Variants in UNC13C observed in about 807,000 individuals in gnomAD.
The protein encoded by UNC13C is unc-13 homolog C, also known as protein unc-13 homolog C.
UNC13C carries 174 observed loss-of-function variants against 245.4 expected under a neutral mutation model. The observed-to-expected ratio is 0.71, with a 90% CI of 0.63 to 0.80. The LOEUF (loss-of-function observed/expected upper bound fraction) is 0.80. Ranked by LOEUF, UNC13C falls within the 30% of genes least tolerant of loss-of-function variation. UNC13C has a pLI of 0.00. For synonymous variants in UNC13C, 992 were observed against 895.1 expected (o/e 1.11, Z -1.93); for missense variants, 2,829 against 2,602.9 (o/e 1.09, Z -1.89).
rs568823414 is a variant in UNC13C, at chr15:54,112,314, G to A, written c.2984-30704G>A. ...TAGCTCTCTTTCCTGCAGAGAGAGAGGGGCTCCTGAGTGGGTCTTCCAGTC... is the reference window on the plus strand; with the variant it reads ...TAGCTCTCTTTCCTGCAGAGAGAGAAGGGCTCCTGAGTGGGTCTTCCAGTC... On this transcript the variant is annotated intron_variant, in intron 2 of 32. Coordinates refer to ENST00000260323, the MANE Select transcript of UNC13C (RefSeq NM_001080534.3). Among the ~76,000 whole-genome samples, 43 of 152,290 alleles carry A rather than the reference G, an allele frequency of 2.8e-4. No homozygotes were observed. In the South Asian group the frequency reaches 7.3e-3, roughly 26 times the overall value.
chr15:54,516,329 G>A (rs1222488929), intron 24 of UNC13C, among the ~76,000 whole-genome samples: 4 of 152,136 alleles, frequency 2.6e-5, no homozygotes, highest in Admixed American at 6.5e-5. Context: ...ACTTCAGCAC[G>A]CATCAGAACT....
At chr15:53,965,439 C>T in the UNC13C span, among the ~76,000 whole-genome samples, 1 of 151,702 alleles carries the variant, frequency 6.6e-6, no homozygotes, top group African/African-American at 2.4e-5. Flanking sequence ...TTTAAATTTA[C>T]AATTATCTCA....
chr15:54,095,492 C>A (rs755958497), intron 2 of UNC13C, among the ~76,000 whole-genome samples: 1 of 152,148 alleles, frequency 6.6e-6, no homozygotes, highest in Non-Finnish European at 1.5e-5. Flanking sequence ...TTTTGTGGTC[C>A]CACTTTGCAG....
chr15:54,106,936 T>C (rs972875159), intron 2 of UNC13C, among the ~76,000 whole-genome samples: 4 of 152,264 alleles, frequency 2.6e-5, no homozygotes, highest in Non-Finnish European at 5.9e-5. Context: ...ACTCTTGCTC[T>C]TATATGTTCC....
intron 4 of UNC13C, among the ~76,000 whole-genome samples, chr15:54,219,514 A>G (rs2035153316): frequency 1.3e-5 from 2 of 149,222 alleles, no homozygotes; most frequent in African/African-American, 5.0e-5. Flanking sequence ...AAACCTAGGC[A>G]TTACCATTCA....
intron 19 of UNC13C, among the ~76,000 whole-genome samples, chr15:54,473,956 T>C (rs145497423): frequency 6.6e-6 from 1 of 152,044 alleles, no homozygotes; most frequent in East Asian, 1.9e-4. Flanking sequence ...CCTTTTTAAA[T>C]GAGAACGTGT....
intron 19 of UNC13C, among the ~76,000 whole-genome samples, chr15:54,488,425 A>T (rs539511564): frequency 1.3e-5 from 2 of 152,216 alleles, no homozygotes; most frequent in Admixed American, 6.5e-5. Context: ...TAATGAAATT[A>T]TATGTTACAA....
intron 19 of UNC13C, among the ~76,000 whole-genome samples, chr15:54,443,036 A>T (rs1890616083): frequency 6.6e-6 from 1 of 152,058 alleles, no homozygotes; most frequent in South Asian, 2.1e-4. Flanking sequence ...GAGTGAAGTC[A>T]TCTGGTTATG....
the UNC13C span, among the ~76,000 whole-genome samples, chr15:53,852,854 G>A: frequency 6.6e-6 from 1 of 151,992 alleles, no homozygotes; most frequent in African/African-American, 2.4e-5. Context: ...TGGAAATCTA[G>A]TTACCTGTTT....
At chr15:53,980,680 G>A (rs942915816) in intron 1 of UNC13C, among the ~76,000 whole-genome samples, 1 of 152,098 alleles carries the variant, frequency 6.6e-6, no homozygotes, top group African/African-American at 2.4e-5. Context: ...TCAATAATTT[G>A]TTGTTAGACC....
At chr15:54,152,930 T>A (rs1337217858) in intron 4 of UNC13C, among the ~76,000 whole-genome samples, 1 of 152,162 alleles carries the variant, frequency 6.6e-6, no homozygotes, top group African/African-American at 2.4e-5. Context: ...TGTTTTTAGG[T>A]ATCTTTTAAT....
intron 18 of UNC13C, among the ~76,000 whole-genome samples, chr15:54,397,544 T>C (rs2040095514): frequency 6.6e-6 from 1 of 151,486 alleles, no homozygotes; most frequent in Admixed American, 6.6e-5. Context: ...TGTATCAGTT[T>C]GTCAATTTCT....
intron 17 of UNC13C, among the ~76,000 whole-genome samples, chr15:54,341,188 A>G (rs560238801): frequency 6.6e-4 from 101 of 152,330 alleles, no homozygotes; most frequent in African/African-American, 2.4e-3. Context: ...CACAAAAGCA[A>G]AGACATGGAA....
intron 19 of UNC13C, among the ~76,000 whole-genome samples, chr15:54,439,614 G>T (rs533945040): frequency 7.2e-5 from 11 of 151,826 alleles, no homozygotes; most frequent in South Asian, 4.2e-4. Flanking sequence ...CATATTTTTA[G>T]ATTTTTGCAT....
At chr15:54,122,933 C>T (rs962755909) in intron 2 of UNC13C, among the ~76,000 whole-genome samples, 2 of 151,962 alleles carry the variant, frequency 1.3e-5, no homozygotes, top group East Asian at 3.9e-4. Flanking sequence ...TTTAAGTATT[C>T]ATGTGAACAT....
chr15:53,955,875 C>T, the UNC13C span: 42 of 152,310 alleles, frequency 2.8e-4, no homozygotes, highest in African/African-American at 9.6e-4. Context: ...GACACATGCA[C>T]TCCTATGTTC....
At chr15:53,856,214 T>C in the UNC13C span, among the ~76,000 whole-genome samples, 1 of 152,054 alleles carries the variant, frequency 6.6e-6, no homozygotes, top group African/African-American at 2.4e-5. Context: ...TGGTCTATTT[T>C]ATTATTATCA....
chr15:54,452,255 G>C (rs938779570), intron 19 of UNC13C, among the ~76,000 whole-genome samples: 23 of 152,174 alleles, frequency 1.5e-4, no homozygotes, highest in Admixed American at 1.4e-3. Flanking sequence ...TCTCCACTTG[G>C]TTTGCTCAGA....
chr15:54,609,382 C>T (rs760790361), intron 30 of UNC13C: 1 of 152,138 alleles, frequency 6.6e-6, no homozygotes, highest in Non-Finnish European at 1.5e-5. Context: ...GCAATTTGTT[C>T]ATGATAGCTG....
Sources: gnomAD v4.1 joint callset for allele counts (sites outside exome capture counted in the v4.1 genomes callset) on GRCh38, gnomAD v4.1.1 for gene constraint, MANE v1.5 for transcripts, NCBI Gene and HGNC (gene_info 2026-07-23, HGNC 2026-07-21) for gene names.